MYLK: variants seen among roughly 807,000 people sequenced by gnomAD.
The protein encoded by MYLK is myosin light chain kinase.
Under a neutral mutation model 203.4 loss-of-function variants are expected in MYLK, and 106 were observed. That is an observed-to-expected ratio of 0.52 (90% CI 0.45 to 0.61). The LOEUF (loss-of-function observed/expected upper bound fraction) is 0.61, where lower values mean the gene tolerates loss of function less well. Ranked by LOEUF, MYLK falls within the 20% of genes least tolerant of loss-of-function variation. MYLK has a pLI of 0.00. For missense variants in MYLK, 2,072 were observed against 2,442.3 expected, an observed-to-expected ratio of 0.85 and a Z score of 3.20; for synonymous variants, 867 against 959.5, an observed-to-expected ratio of 0.90 and a Z score of 1.78.
chr3:123,624,260 G>A (rs1439272819), intron 31 of MYLK: 1 of 151,262 alleles, frequency 6.6e-6, no homozygotes. Context: ...ACGAGGTTGA[G>A]ACTGCAGTAA....
chr3:123,859,021 A>T (rs973048147), intron 2 of MYLK, among the ~76,000 whole-genome samples: 13 of 152,260 alleles, frequency 8.5e-5, no homozygotes, highest in Non-Finnish European at 1.8e-4. Flanking sequence ...ATATAAAGTG[A>T]TTAAATGTGA....
At position 123,734,194 on chromosome 3, in the gene MYLK, T is replaced by C; in HGVS notation, c.802A>G (p.Asn268Asp). ...RSFVRETKAT[N>D]SDVRKEVTNV... is the part of the protein sequence containing the mutation. ...GTCACCTCTTTCCTGACATCTGAAT[T>C]GGTGGCTTTTGTTTCTCTCACAAAT... is the stretch of plus-strand genomic sequence containing the variant. Residue 268 changes from asparagine to aspartate, a missense_variant, in exon 10 of 34, where the codon AAT becomes GAT. Physicochemically the swap from Asn to Asp is conservative, Grantham distance 23. This residue lies in a region of MYLK where 683 missense variants were observed against 643.8 expected (regional missense o/e 1.06). Coordinates refer to ENST00000360304, the MANE Select transcript of MYLK (RefSeq NM_053025.4). 7.7e-7 allele frequency: 1 copy of C among 1,297,578 alleles called. No individual in the cohort carries two copies. The highest frequency in any genetic ancestry group is 1.3e-5 in the South Asian group (1 of 76,982). The allele number at this position is 1,297,578 out of a possible 1,614,324, so 80.4% of individuals were successfully genotyped here.
rs138511260 is a variant in MYLK at position 123,756,954 on chromosome 3, T to C, written c.166-4416A>G. ...ATAGTAAAACTGTGCTCCAGCTTCA[T>C]AAAATGTCCTCAAAAACCTTTATGG... On this transcript the variant is annotated intron_variant, in intron 4 of 33. Transcript: ENST00000360304. Among the ~76,000 whole-genome samples, 4 of 152,332 alleles carry C rather than the reference T, an allele frequency of 2.6e-5. No individual in the cohort carries two copies. In the East Asian group the frequency reaches 7.7e-4, roughly 29 times the overall value.
intron 4 of MYLK, among the ~76,000 whole-genome samples, chr3:123,787,396 G>A (rs1304152852): frequency 2.0e-5 from 3 of 152,150 alleles, no homozygotes; most frequent in African/African-American, 4.8e-5. Flanking sequence ...AGAGACACAG[G>A]ACCCTAGAAG....
At chr3:123,816,574 T>A (rs1299483234) in intron 3 of MYLK, among the ~76,000 whole-genome samples, 1 of 152,236 alleles carries the variant, frequency 6.6e-6, no homozygotes, top group Non-Finnish European at 1.5e-5. Flanking sequence ...TTTCACTGGT[T>A]GGCCAGAAAA....
At chr3:123,798,082 C>T (rs2065055099) in intron 3 of MYLK, among the ~76,000 whole-genome samples, 1 of 152,170 alleles carries the variant, frequency 6.6e-6, no homozygotes, top group Non-Finnish European at 1.5e-5. Context: ...ACTAGCAGCA[C>T]CATTTAATAA....
chr3:123,737,078 G>A (rs2062696977), intron 8 of MYLK, among the ~76,000 whole-genome samples: 3 of 152,120 alleles, frequency 2.0e-5, no homozygotes, highest in Admixed American at 2.0e-4. Context: ...AATCAGCCGG[G>A]CGTGGTGGTG....
Position 123,871,391 on chromosome 3 carries a change from T to C in MYLK, c.-127+5168A>G, listed in dbSNP as rs140963551. Among the ~76,000 whole-genome samples, 843 of 150,162 alleles carry C rather than the reference T, an allele frequency of 5.6e-3. 5 individuals are homozygous for C. Among genetic ancestry groups the C allele is most frequent in the Middle Eastern group, 0.027 (8 of 292 alleles). On this transcript the variant is annotated intron_variant, in intron 2 of 33. Coordinates refer to ENST00000360304, the MANE Select transcript of MYLK (RefSeq NM_053025.4). ...AAAACTCAAACCAACAAACACCTGG[T>C]TCTTTGAAAGAACCAATAAAATTCA...
chr3:123,826,096 A>T (rs534859407), intron 3 of MYLK, among the ~76,000 whole-genome samples: 1 of 152,254 alleles, frequency 6.6e-6, no homozygotes, highest in East Asian at 1.9e-4. Flanking sequence ...AACCCACAGG[A>T]CATTCCTGGC....
chr3:123,808,179 G>A (rs918432868), intron 3 of MYLK, among the ~76,000 whole-genome samples: 1 of 152,194 alleles, frequency 6.6e-6, no homozygotes. Context: ...GTTTCTGCTA[G>A]TTCCACTTCC....
At chr3:123,739,858 C>G in intron 6 of MYLK, 95 bp downstream of exon 6, 1 of 1,348,488 alleles carries the variant, frequency 7.4e-7, no homozygotes, top group Non-Finnish European at 1.1e-6. Context: ...TTATTATAAC[C>G]TAGGAGAGCC....
chr3:123,616,419 A>G (rs755471654), intron 33 of MYLK: 2 of 152,188 alleles, frequency 1.3e-5, no homozygotes, highest in Non-Finnish European at 2.9e-5. Flanking sequence ...AACATTATGC[A>G]TTTTGTTTGC....
At chr3:123,744,040 C>A (rs574389999) in intron 5 of MYLK, among the ~76,000 whole-genome samples, 1 of 151,382 alleles carries the variant, frequency 6.6e-6, no homozygotes, top group South Asian at 2.1e-4. Flanking sequence ...AATAGTGGTT[C>A]TCCACTCTAT....
intron 17 of MYLK, 110 bp from the exon 18 acceptor site, chr3:123,701,115 G>A: frequency 1.4e-6 from 2 of 1,404,820 alleles, no homozygotes; most frequent in Non-Finnish European, 1.9e-6. Flanking sequence ...GAGGGGAGCG[G>A]GAGGGGATGG....
At chr3:123,659,160 AC>A (rs2059484292) in intron 23 of MYLK, among the ~76,000 whole-genome samples, 1 of 152,140 alleles carries the variant, frequency 6.6e-6, no homozygotes, top group Non-Finnish European at 1.5e-5. Context: ...TCCTCTCAAG[AC>A]CCAGCTAAGG....
At chr3:123,832,095 TGGCCAGG>T (rs1229890289) in intron 2 of MYLK, among the ~76,000 whole-genome samples, 1 of 152,102 alleles carries the variant, frequency 6.6e-6, no homozygotes, top group Admixed American at 6.5e-5. Context: ...TTCGGTGACA[TGGCCAGG>T]GGAATAAAGG....
intron 5 of MYLK, among the ~76,000 whole-genome samples, chr3:123,749,421 C>G (rs933533609): frequency 6.6e-6 from 1 of 152,192 alleles, no homozygotes; most frequent in Non-Finnish European, 1.5e-5. Flanking sequence ...GACCTGACCT[C>G]TGGAGGTGGG....
At chr3:123,832,763 A>G (rs987663282) in intron 2 of MYLK, among the ~76,000 whole-genome samples, 1 of 152,160 alleles carries the variant, frequency 6.6e-6, no homozygotes, top group Admixed American at 6.5e-5. Flanking sequence ...CAAGACACCA[A>G]ATCTGCTGGT....
intron 1 of MYLK, among the ~76,000 whole-genome samples, chr3:123,877,655 G>GA (rs2033245459): frequency 6.6e-6 from 1 of 152,160 alleles, no homozygotes; most frequent in Non-Finnish European, 1.5e-5. Flanking sequence ...AGGAGCTTTT[G>GA]ATAGTAATCA....
Sources: allele counts gnomAD v4.1 joint callset (sites outside exome capture counted in the v4.1 genomes callset), GRCh38; gene constraint gnomAD v4.1.1; regional missense constraint gnomAD v4.1.1; transcripts MANE v1.5; gene names NCBI Gene and HGNC (gene_info 2026-07-23, HGNC 2026-07-21).